NHSL1: variants seen among roughly 807,000 people sequenced by gnomAD.
NHSL1 encodes the protein NHS like 1.
Under a neutral mutation model 95.0 loss-of-function variants are expected in NHSL1, and 48 were observed. The ratio of observed to expected loss-of-function variants is 0.51; its 90% CI spans 0.40 to 0.64. The LOEUF (loss-of-function observed/expected upper bound fraction) is 0.64. Ranked by LOEUF, NHSL1 falls within the 30% of genes least tolerant of loss-of-function variation. The pLI is 0.00. For missense variants in NHSL1, 1,971 were observed against 2,077.7 expected, an observed-to-expected ratio of 0.95 and a Z score of 1.00; for synonymous variants, 783 against 833.9, an observed-to-expected ratio of 0.94 and a Z score of 1.05.
intron 2 of NHSL1, among the ~76,000 whole-genome samples, chr6:138,491,969 A>C (rs950253042): frequency 1.3e-5 from 2 of 152,186 alleles, no homozygotes; most frequent in Admixed American, 1.3e-4. Context: ...CAACCTGTAC[A>C]TGTTTGTATC....
rs933134962 is a variant in NHSL1 at position 138,626,931 on chromosome 6, A to G, written c.96+65545T>C. Reference sequence around the variant, plus strand: ...AAAAAAAAAAAAAAAAAAAAATTGTAACTACCACTATAAGCAATCAAGACT... The same window carrying G: ...AAAAAAAAAAAAAAAAAAAAATTGTGACTACCACTATAAGCAATCAAGACT... On this transcript the variant is annotated intron_variant, in intron 1 of 3. Coordinates refer to the NHSL1 transcript ENST00000491526. 2.3e-4 allele frequency among the ~76,000 whole-genome samples: 34 copies of G among 148,366 alleles called. 1 individual carries two copies. The South Asian group carries it at 6.9e-3, about 30-fold the overall frequency.
intron 1 of NHSL1, among the ~76,000 whole-genome samples, chr6:138,690,579 A>G (rs1785652512): frequency 6.6e-6 from 1 of 152,114 alleles, no homozygotes; most frequent in South Asian, 2.1e-4. Flanking sequence ...TGTCTCTACT[A>G]AAAATACAAA....
intron 1 of NHSL1, among the ~76,000 whole-genome samples, chr6:138,597,819 A>T (rs1784321232): frequency 6.6e-6 from 1 of 152,176 alleles, no homozygotes. Context: ...GAATAGATGT[A>T]TTATATTGGC....
intron 1 of NHSL1, among the ~76,000 whole-genome samples, chr6:138,645,898 CT>C (rs1785014502): frequency 6.6e-6 from 1 of 152,104 alleles, no homozygotes; most frequent in South Asian, 2.1e-4. Context: ...TAAAAGGTGT[CT>C]GGCAGAAAAT....
chr6:138,691,711 T>C (rs1042474182), intron 1 of NHSL1: 5 of 340,962 alleles, frequency 1.5e-5, no homozygotes, highest in African/African-American at 1.1e-4. Context: ...AAATTCCAGT[T>C]GCTTCATTCA....
rs1190571798 is a variant in NHSL1 at position 138,430,834 on chromosome 6, C to T, written c.3511G>A (p.Glu1171Lys). 6 of 1,550,788 alleles carry T rather than the reference C, an allele frequency of 3.9e-6. No homozygotes were observed. In the African/African-American group the frequency reaches 6.8e-5, roughly 18 times the overall value. The change falls in exon 6 of 8, where the codon GAG (glutamate) becomes AAG (lysine). Residue 1171 changes from glutamate (E) to lysine (K), a missense_variant. Around this residue, in one of 3 missense-constraint regions of NHSL1, gnomAD observed 1,602 missense variants for 1,654.5 expected, o/e 0.97. Transcript: ENST00000343505. The surrounding 1 kb of genome is among the most constrained non-coding windows in gnomAD (Gnocchi z 4.7). ...CTGGGGCTGGGCCGAGCCTCTGCCTCCCCAGCGCTTGGAGCTCCAGGGCTG... is the reference window on the plus strand; with the variant it reads ...CTGGGGCTGGGCCGAGCCTCTGCCTTCCCAGCGCTTGGAGCTCCAGGGCTG... ...SRSPGAPSAG[E>K]AEARPSPSTT... is the part of the protein sequence containing the mutation.
In NHSL1 at chr6:138,674,670, T is replaced by C. The variant is rs373796447; in HGVS notation, c.96+17806A>G. Among the ~76,000 whole-genome samples, 17 of 152,338 alleles carry C rather than the reference T, an allele frequency of 1.1e-4. No individual in the cohort carries two copies. The East Asian group carries it at 1.5e-3, about 14-fold the overall frequency. Reference sequence around the variant, plus strand: ...GATCTTGTTCCTTTTTATGGCTGCATAGTATTCCATGGTGTATACATGCCA... The same window carrying C: ...GATCTTGTTCCTTTTTATGGCTGCACAGTATTCCATGGTGTATACATGCCA... On this transcript the variant is annotated intron_variant, in intron 1 of 3. Transcript: ENST00000491526.
chr6:138,499,063 C>T (rs1472136522), intron 1 of NHSL1, among the ~76,000 whole-genome samples, 170 bp downstream of exon 1: 1 of 151,912 alleles, frequency 6.6e-6, no homozygotes, highest in African/African-American at 2.4e-5. Flanking sequence ...GAGTTTAACT[C>T]ATGCCTATTA....
At position 138,523,378 on chromosome 6, in the gene NHSL1, T is replaced by C. The variant is rs1469789366; in HGVS notation, c.16+22245A>G. Among the ~76,000 whole-genome samples, 4 of 152,088 alleles carry C rather than the reference T, an allele frequency of 2.6e-5. No homozygotes were observed. The East Asian group carries it at 7.7e-4, about 29-fold the overall frequency. ...AGGCTGCAGTGTAGTGGTGAGATCA[T>C]AGCTCACTATAGCCTCGAACTCCTG... On this transcript the variant is annotated intron_variant, in intron 1 of 4. Coordinates refer to the NHSL1 transcript ENST00000342260.
At chr6:138,590,678 G>A (rs1489385654) in intron 1 of NHSL1, among the ~76,000 whole-genome samples, 1 of 152,140 alleles carries the variant, frequency 6.6e-6, no homozygotes, top group Non-Finnish European at 1.5e-5. Flanking sequence ...CCTGACCCTT[G>A]AAGCGGCTGT....
chr6:138,464,781 C>T (rs529865194), intron 3 of NHSL1, among the ~76,000 whole-genome samples: 20 of 139,690 alleles, frequency 1.4e-4, no homozygotes, highest in Admixed American at 3.2e-4. Context: ...GGCATGATCT[C>T]GGCTCACTGC....
chr6:138,661,433 T>C (rs1785225606), intron 1 of NHSL1, among the ~76,000 whole-genome samples: 1 of 150,930 alleles, frequency 6.6e-6, no homozygotes, highest in Non-Finnish European at 1.5e-5. Flanking sequence ...AAGCGGAGGT[T>C]GCAGTGAGCT....
At position 138,441,933 on chromosome 6, in the gene NHSL1, A is replaced by C. The variant is rs182363059; in HGVS notation, c.664+50T>G. On this transcript the variant is annotated intron_variant, in intron 5 of 7. Transcript: ENST00000343505. ...CACCATGAATGAGGTTAGCGCAGTA[A>C]GGCCGAGCAGCAGTGAAGGGCAACA... 232 of 1,503,490 alleles carry C rather than the reference A, an allele frequency of 1.5e-4. 1 individual carries two copies. The African/African-American group carries it at 2.7e-3, about 17-fold the overall frequency. The allele number at this position is 1,503,490 out of a possible 1,614,324, so 93.1% of individuals were successfully genotyped here.
intron 5 of NHSL1, among the ~76,000 whole-genome samples, chr6:138,437,304 ATAT>A (rs2128208301): frequency 8.2e-6 from 1 of 122,404 alleles, no homozygotes; most frequent in East Asian, 2.2e-4. Flanking sequence ...ATGTATATAT[ATAT>A]ATATATATAT....
chr6:138,650,208 G>C (rs1583465997), intron 1 of NHSL1: 2 of 610,520 alleles, frequency 3.3e-6, no homozygotes, highest in Non-Finnish European at 6.3e-6. Context: ...GTGTTTTTTA[G>C]ATGATTCAGG....
intron 1 of NHSL1, among the ~76,000 whole-genome samples, chr6:138,608,675 C>T (rs1223530346): frequency 1.3e-5 from 2 of 152,198 alleles, no homozygotes; most frequent in Non-Finnish European, 2.9e-5. Flanking sequence ...CTACTAACTA[C>T]GAACTGCAGT....
At chr6:138,450,572 T>C (rs1777163001) in intron 3 of NHSL1, among the ~76,000 whole-genome samples, 1 of 152,222 alleles carries the variant, frequency 6.6e-6, no homozygotes, top group South Asian at 2.1e-4. Flanking sequence ...TTTCTTCTAG[T>C]TGACTGACAC....
In NHSL1 at chr6:138,424,913, T is replaced by A. The variant is rs1035569920; in HGVS notation, c.4086-97A>T. On this transcript the variant is annotated intron_variant, in intron 7 of 7. Transcript: ENST00000343505. The surrounding 1 kb of genome is among the most constrained non-coding windows in gnomAD (Gnocchi z 5.9). ...CTCTTATCGCATCTTCAGGTCACCA[T>A]CTACTTAAGATTCACTTTCAAAAAA... 9 of 996,068 alleles carry A rather than the reference T, an allele frequency of 9.0e-6. No individual in the cohort carries two copies. The highest frequency in any genetic ancestry group is 1.3e-5 in the Non-Finnish European group (9 of 690,772). 61.7% of individuals were successfully genotyped at this position (996,068 alleles called of 1,614,324 possible).
intron 1 of NHSL1, among the ~76,000 whole-genome samples, chr6:138,523,219 A>G (rs1000559776): frequency 1.3e-5 from 2 of 152,210 alleles, no homozygotes; most frequent in Non-Finnish European, 2.9e-5. Context: ...ATGAGAAAAA[A>G]AATTAATGGT....
Sources: gnomAD v4.1 joint callset for allele counts (sites outside exome capture counted in the v4.1 genomes callset) on GRCh38, gnomAD v4.1.1 for gene constraint, gnomAD v4.1.1 regional missense constraint, Gnocchi (gnomAD v3.1) non-coding constraint, MANE v1.5 for transcripts, NCBI Gene and HGNC (gene_info 2026-07-23, HGNC 2026-07-21) for gene names.